RNLS: variants seen among roughly 807,000 people sequenced by gnomAD.
The protein encoded by RNLS is renalase.
In RNLS, 39 loss-of-function variants were observed where a neutral mutation model predicts 39.8. The observed-to-expected ratio is 0.98, with a 90% CI of 0.76 to 1.28. The LOEUF (loss-of-function observed/expected upper bound fraction) is 1.28, where lower values mean the gene tolerates loss of function less well. Among genes scored for constraint, RNLS ranks in the 50% most tolerant of loss-of-function variants. RNLS has a pLI of 0.00. For missense variants in RNLS, 410 were observed against 413.3 expected, an observed-to-expected ratio of 0.99 and a Z score of 0.07; for synonymous variants, 147 against 150.7, an observed-to-expected ratio of 0.98 and a Z score of 0.18.
the RNLS span, among the ~76,000 whole-genome samples, chr10:88,206,534 C>T: frequency 1.3e-5 from 2 of 152,072 alleles, no homozygotes; most frequent in South Asian, 2.1e-4. Flanking sequence ...GAATAAAGGG[C>T]CCCAACTGGC....
At chr10:88,183,372 T>C in the RNLS span, among the ~76,000 whole-genome samples, 1 of 152,186 alleles carries the variant, frequency 6.6e-6, no homozygotes, top group Non-Finnish European at 1.5e-5. Flanking sequence ...CACAACTTCA[T>C]AGACATTGAG....
chr10:88,421,038 C>T (rs1330972161), intron 4 of RNLS, among the ~76,000 whole-genome samples: 1 of 152,216 alleles, frequency 6.6e-6, no homozygotes, highest in Non-Finnish European at 1.5e-5. Context: ...AGGAACGTCC[C>T]ACCCCTGTTT....
At chr10:88,276,306 A>G (rs1403351806) in intron 6 of RNLS, among the ~76,000 whole-genome samples, 1 of 152,052 alleles carries the variant, frequency 6.6e-6, no homozygotes, top group Non-Finnish European at 1.5e-5. Context: ...ACCAATTTGT[A>G]TTTTTATGAT....
At chr10:88,210,143 C>A in the RNLS span, among the ~76,000 whole-genome samples, 1 of 152,110 alleles carries the variant, frequency 6.6e-6, no homozygotes, top group Non-Finnish European at 1.5e-5. Flanking sequence ...CCTGTCATTA[C>A]TTTATAGCCT....
At chr10:88,282,721 T>G (rs1372112224), downstream of RNLS, among the ~76,000 whole-genome samples, 1 of 152,070 alleles carries the variant, frequency 6.6e-6, no homozygotes, top group African/African-American at 2.4e-5. Flanking sequence ...CTTGATGTTT[T>G]TAGACATACT....
intron 4 of RNLS, among the ~76,000 whole-genome samples, chr10:88,492,183 C>G (rs564507135): frequency 6.6e-6 from 1 of 152,026 alleles, no homozygotes; most frequent in Admixed American, 6.6e-5. Flanking sequence ...AACCTGACCC[C>G]TGCTGCCATT....
the RNLS span, among the ~76,000 whole-genome samples, chr10:88,254,157 G>T: frequency 6.6e-6 from 1 of 152,154 alleles, no homozygotes; most frequent in African/African-American, 2.4e-5. Context: ...AGCTTTTGCA[G>T]CATCTGTCCA....
At chr10:88,224,801 A>T in the RNLS span, among the ~76,000 whole-genome samples, 8 of 152,342 alleles carry the variant, frequency 5.3e-5, no homozygotes, top group South Asian at 1.7e-3. Flanking sequence ...ATGTAATTCA[A>T]ATGATAACAC....
intron 4 of RNLS, among the ~76,000 whole-genome samples, chr10:88,549,018 AG>A (rs1200985454): frequency 6.6e-6 from 1 of 152,086 alleles, no homozygotes; most frequent in Non-Finnish European, 1.5e-5. Flanking sequence ...CTGAATGGAT[AG>A]AAAGTAACAG....
At chr10:88,249,677 C>T in the RNLS span, among the ~76,000 whole-genome samples, 2 of 152,174 alleles carry the variant, frequency 1.3e-5, no homozygotes, top group African/African-American at 2.4e-5. Context: ...CAGCTTGACA[C>T]GTGGCTTGAT....
the RNLS span, among the ~76,000 whole-genome samples, chr10:88,229,665 C>T: frequency 6.6e-6 from 1 of 152,060 alleles, no homozygotes. Flanking sequence ...AACAATCACT[C>T]CTTGCTCCCC....
At chr10:88,383,174 C>A (rs1187642168) in intron 4 of RNLS, among the ~76,000 whole-genome samples, 1 of 151,996 alleles carries the variant, frequency 6.6e-6, no homozygotes. Context: ...TCTGAATATT[C>A]TACTTCTCTA....
rs117837078 is a variant in RNLS, at chr10:88,380,794, C to T, written c.527-18069G>A. Among the ~76,000 whole-genome samples, 1,079 of 152,268 alleles carry T rather than the reference C, an allele frequency of 7.1e-3. 5 individuals are homozygous for T. The highest frequency in any genetic ancestry group is 0.012 in the South Asian group (59 of 4,828). On this transcript the variant is annotated intron_variant, in intron 4 of 6. Coordinates refer to ENST00000331772, the MANE Select transcript of RNLS (RefSeq NM_001031709.3). ...TTCTTATTCATCATAAGATCAGTCT[C>T]TGACTCTATCTTGAATTTATTATTT...
At chr10:88,331,591 C>T (rs895736724) in intron 5 of RNLS, among the ~76,000 whole-genome samples, 1 of 152,074 alleles carries the variant, frequency 6.6e-6, no homozygotes, top group African/African-American at 2.4e-5. Context: ...TGCAAATGAA[C>T]GTTCTAAGTA....
At chr10:88,547,746 T>C (rs1216346639) in intron 4 of RNLS, among the ~76,000 whole-genome samples, 1 of 152,178 alleles carries the variant, frequency 6.6e-6, no homozygotes, top group Non-Finnish European at 1.5e-5. Context: ...GTATTATGTA[T>C]TTCAAAATTG....
chr10:88,250,723 A>C, the RNLS span, among the ~76,000 whole-genome samples: 1 of 152,218 alleles, frequency 6.6e-6, no homozygotes, highest in Non-Finnish European at 1.5e-5. Context: ...AAATATAACC[A>C]AAGGCCGGAT....
the RNLS span, among the ~76,000 whole-genome samples, chr10:88,224,665 AAT>A: frequency 6.6e-6 from 1 of 152,188 alleles, no homozygotes. Context: ...CTGTAGCTGA[AAT>A]AATAGGTTTG....
At chr10:88,385,249 G>A (rs1655458945) in intron 4 of RNLS, among the ~76,000 whole-genome samples, 1 of 152,136 alleles carries the variant, frequency 6.6e-6, no homozygotes. Context: ...ATTGGGTGTT[G>A]GTGGATAAAA....
chr10:88,539,331 G>A (rs1290133906), intron 4 of RNLS, among the ~76,000 whole-genome samples: 1 of 152,046 alleles, frequency 6.6e-6, no homozygotes, highest in Non-Finnish European at 1.5e-5. Flanking sequence ...ACTAAAAATT[G>A]GAGGGGTAGA....
Sources: allele counts gnomAD v4.1 joint callset (sites outside exome capture counted in the v4.1 genomes callset), GRCh38; gene constraint gnomAD v4.1.1; transcripts MANE v1.5; gene names NCBI Gene and HGNC (gene_info 2026-07-23, HGNC 2026-07-21).